SLC35F1: variants seen among roughly 807,000 people sequenced by gnomAD.
The protein encoded by SLC35F1 is chromosome 6 open reading frame 169.
In SLC35F1, 14 loss-of-function variants were observed where a neutral mutation model predicts 48.7. That is an observed-to-expected ratio of 0.29 (90% confidence interval 0.19 to 0.45). SLC35F1 has a LOEUF of 0.45. SLC35F1 is among the 20% of genes least tolerant of loss of function. The probability of loss-of-function intolerance (pLI) is 1.00; values close to 1 mark genes in which losing one functional copy is unlikely to be tolerated. For missense variants in SLC35F1, 404 were observed against 500.0 expected (o/e 0.81, Z 1.83); for synonymous variants, 190 against 202.2 (o/e 0.94, Z 0.51).
chr6:118,103,895 C>G (rs946983965), intron 1 of SLC35F1, among the ~76,000 whole-genome samples: 3 of 152,022 alleles, frequency 2.0e-5, no homozygotes, highest in Non-Finnish European at 4.4e-5. Context: ...ATAATGCCAT[C>G]TAAAAAAAGT....
At chr6:117,916,248 G>T (rs1283927504) in intron 1 of SLC35F1, among the ~76,000 whole-genome samples, 1 of 152,154 alleles carries the variant, frequency 6.6e-6, no homozygotes, top group Non-Finnish European at 1.5e-5. Context: ...TAAGAATCGG[G>T]TCTTGTATTT....
At chr6:118,173,865 G>A (rs922664309) in intron 2 of SLC35F1, among the ~76,000 whole-genome samples, 7 of 152,172 alleles carry the variant, frequency 4.6e-5, no homozygotes, top group Non-Finnish European at 7.4e-5. Context: ...AAAGCAAAGA[G>A]ATACATCTAA....
intron 7 of SLC35F1, among the ~76,000 whole-genome samples, chr6:118,290,345 A>AG (rs1275180142): frequency 6.6e-6 from 1 of 152,146 alleles, no homozygotes; most frequent in Non-Finnish European, 1.5e-5. Flanking sequence ...GTACATGCAA[A>AG]GCCCTGTTAA....
chr6:118,113,800 C>A (rs1442392679), intron 1 of SLC35F1, among the ~76,000 whole-genome samples: 4 of 152,072 alleles, frequency 2.6e-5, no homozygotes, highest in African/African-American at 4.8e-5. Context: ...TTTTAGAGCC[C>A]AGAATTAAAA....
rs2114677513 is a variant in SLC35F1, at chr6:118,315,809, T to C, written c.*1557T>C. Reference sequence around the variant, plus strand: ...AAGACCTTGAGTGATATGTCACTAGTCTAATCTGTTGCCCTTAAAATAGCC... The same window carrying C: ...AAGACCTTGAGTGATATGTCACTAGCCTAATCTGTTGCCCTTAAAATAGCC... On this transcript the variant is annotated 3_prime_UTR_variant, in exon 8 of 8. Coordinates refer to ENST00000360388, the MANE Select transcript of SLC35F1 (RefSeq NM_001029858.4). The C allele has an allele frequency of 6.6e-6, 1 of 152,282 alleles. No individual in the cohort carries two copies. Among genetic ancestry groups the C allele is most frequent in the Non-Finnish European group, 1.5e-5 (1 of 68,014 alleles). The allele number at this position is 152,282 out of a possible 1,614,324, so 9.4% of individuals were successfully genotyped here.
chr6:118,116,751 TCTATGACCAC>T, intron 1 of SLC35F1, among the ~76,000 whole-genome samples: 1 of 152,294 alleles, frequency 6.6e-6, no homozygotes, highest in South Asian at 2.1e-4. Context: ...AAACAAGCAG[TCTATGACCAC>T]TAGCTCATTC....
intron 1 of SLC35F1, among the ~76,000 whole-genome samples, chr6:118,081,707 C>T (rs139013593): frequency 2.6e-5 from 4 of 152,178 alleles, no homozygotes; most frequent in Non-Finnish European, 5.9e-5. Flanking sequence ...TATAATCTGG[C>T]CCATTCTTTC....
intron 2 of SLC35F1, among the ~76,000 whole-genome samples, chr6:118,182,372 C>T (rs1351627825): frequency 6.6e-6 from 1 of 151,112 alleles, no homozygotes; most frequent in African/African-American, 2.4e-5. Context: ...CCTCTGAGGC[C>T]TCAGTTACTC....
intron 1 of SLC35F1, among the ~76,000 whole-genome samples, chr6:117,989,185 G>T (rs978650745): frequency 2.6e-5 from 4 of 152,182 alleles, no homozygotes; most frequent in Non-Finnish European, 5.9e-5. Context: ...CCAGCAGCTC[G>T]AATGTTACAT....
intron 5 of SLC35F1, 68 bp from the exon 6 acceptor site, chr6:118,277,426 A>AAAAG (rs568309474): frequency 2.9e-6 from 4 of 1,395,720 alleles, no homozygotes; most frequent in South Asian, 1.2e-5. Flanking sequence ...TGGGGGGGAA[A>AAAAG]AAAGAAAGAA....
At chr6:118,240,085 A>T (rs1775417723) in intron 3 of SLC35F1, among the ~76,000 whole-genome samples, 1 of 152,232 alleles carries the variant, frequency 6.6e-6, no homozygotes, top group Non-Finnish European at 1.5e-5. Flanking sequence ...CATAAAGAAG[A>T]CACGTTTATT....
intron 3 of SLC35F1, among the ~76,000 whole-genome samples, chr6:118,257,255 A>C (rs1197368239): frequency 2.6e-5 from 4 of 152,118 alleles, no homozygotes; most frequent in Non-Finnish European, 5.9e-5. Flanking sequence ...ATCCAGTAGG[A>C]GACTTTACCA....
chr6:118,057,542 A>C (rs1484696187), intron 1 of SLC35F1, among the ~76,000 whole-genome samples: 1 of 152,136 alleles, frequency 6.6e-6, no homozygotes, highest in Non-Finnish European at 1.5e-5. Flanking sequence ...AAGAAGAAAA[A>C]AAAATTCTCT....
chr6:118,107,118 T>C (rs1033370184), intron 1 of SLC35F1, among the ~76,000 whole-genome samples: 1 of 152,164 alleles, frequency 6.6e-6, no homozygotes, highest in Non-Finnish European at 1.5e-5. Context: ...TTTGTTGCCA[T>C]CTCTGGTGCT....
rs112670549 is a variant in SLC35F1, at chr6:117,927,039, G to A, written c.173+19140G>A. Among the ~76,000 whole-genome samples the A allele has an allele frequency of 5.8e-3, 877 of 152,234 alleles. 8 individuals are homozygous for A. The highest frequency in any genetic ancestry group is 0.02 in the African/African-American group (813 of 41,540). On this transcript the variant is annotated intron_variant, in intron 1 of 7. Transcript: ENST00000360388. The stretch of plus-strand genomic sequence containing the variant: ...TGATTTCATTTGGTGTACCAACCTC[G>A]TGACCTCAGACAAGTTATCTAAACT...
rs146614444 is a variant in SLC35F1, at chr6:118,059,654, C to T, written c.174-94791C>T. 1.6e-3 allele frequency among the ~76,000 whole-genome samples: 246 copies of T among 152,286 alleles called. 2 individuals carry two copies. Among genetic ancestry groups the T allele is most frequent in the African/African-American group, 5.6e-3 (234 of 41,568 alleles). ...AGTACCATCACCACCCATGACTTCA[C>T]AATTCCTGAGGCAGGGAAAAAGAGG... On this transcript the variant is annotated intron_variant, in intron 1 of 7. Coordinates refer to ENST00000360388, the MANE Select transcript of SLC35F1 (RefSeq NM_001029858.4).
At chr6:118,003,062 A>G (rs776929203) in intron 1 of SLC35F1, among the ~76,000 whole-genome samples, 1 of 152,184 alleles carries the variant, frequency 6.6e-6, no homozygotes, top group Non-Finnish European at 1.5e-5. Flanking sequence ...ATATTGCACT[A>G]CTTATTTAGG....
At chr6:118,090,557 T>C (rs934179412) in intron 1 of SLC35F1, among the ~76,000 whole-genome samples, 10 of 152,130 alleles carry the variant, frequency 6.6e-5, no homozygotes, top group African/African-American at 2.4e-4. Flanking sequence ...GAAAATTCTG[T>C]CTATGTAAAG....
intron 1 of SLC35F1, among the ~76,000 whole-genome samples, chr6:117,919,149 G>T (rs1421219618): frequency 1.3e-5 from 2 of 152,176 alleles, no homozygotes; most frequent in East Asian, 1.9e-4. Context: ...TCCCACCTTG[G>T]ACTCCCAGTG....
Sources: gnomAD v4.1 joint callset for allele counts (sites outside exome capture counted in the v4.1 genomes callset) on GRCh38, gnomAD v4.1.1 for gene constraint, MANE v1.5 for transcripts, NCBI Gene and HGNC (gene_info 2026-07-23, HGNC 2026-07-21) for gene names.